Variants in RAD51B observed in about 807,000 individuals in gnomAD.
The protein encoded by RAD51B is DNA repair protein RAD51 homolog 2.
RAD51B carries 38 observed loss-of-function variants against 42.2 expected under a neutral mutation model. The ratio of observed to expected loss-of-function variants is 0.90; its 90% CI spans 0.70 to 1.18. RAD51B has a LOEUF of 1.18. Among genes scored for constraint, RAD51B ranks in the 50% most tolerant of loss-of-function variants. RAD51B has a pLI of 0.00. For synonymous variants in RAD51B, 154 were observed against 145.2 expected, an observed-to-expected ratio of 1.06 and a Z score of -0.43; for missense variants, 373 against 400.7, an observed-to-expected ratio of 0.93 and a Z score of 0.59.
intron 10 of RAD51B, among the ~76,000 whole-genome samples, chr14:68,644,063 T>C (rs1431410824): frequency 1.3e-5 from 2 of 152,216 alleles, no homozygotes; most frequent in African/African-American, 2.4e-5. Context: ...CCTCCCACTC[T>C]GTGCAATAAT....
intron 10 of RAD51B, among the ~76,000 whole-genome samples, chr14:68,531,159 C>CA (rs1045737924): frequency 0.013 from 1,128 of 87,068 alleles, 7 homozygotes; most frequent in African/African-American, 0.035. Context: ...ACAGGAAAGA[C>CA]AAAAAAAAAA....
rs3073458 is a variant in RAD51B at position 68,184,625 on chromosome 14, C to CA, written c.757-107248dup. On this transcript the variant is annotated intron_variant, in intron 7 of 10. Transcript: ENST00000471583. ...GCCCTGTCTAAAAAAAAAAAAAAACCAAAAAAAAAAACAGGAAGAAGAAGA... is the reference window on the plus strand; with the variant it reads ...GCCCTGTCTAAAAAAAAAAAAAAACCAAAAAAAAAAAACAGGAAGAAGAAGA... 5.2e-3 allele frequency among the ~76,000 whole-genome samples: 689 copies of CA among 132,378 alleles called. 12 individuals carry two copies. The highest frequency in any genetic ancestry group is 0.011 in the Middle Eastern group (3 of 266). The allele number at this position is 132,378 out of a possible 152,430, so 86.8% of individuals were successfully genotyped here. A position where few individuals can be genotyped will look rare whatever the true frequency, so the allele number is the denominator to read the frequency against.
chr14:68,593,330 T>G (rs1330807026), intron 10 of RAD51B, among the ~76,000 whole-genome samples: 2 of 152,222 alleles, frequency 1.3e-5, no homozygotes, highest in Non-Finnish European at 2.9e-5. Flanking sequence ...GAGAGGCTCT[T>G]GGAACAGGGC....
chr14:68,627,514 A>C (rs781710859), intron 10 of RAD51B, among the ~76,000 whole-genome samples: 1 of 152,160 alleles, frequency 6.6e-6, no homozygotes, highest in Non-Finnish European at 1.5e-5. Flanking sequence ...CTCACTGGAC[A>C]TGCTCCAGGA....
At chr14:67,943,055 C>G (rs1426472220) in intron 7 of RAD51B, among the ~76,000 whole-genome samples, 2 of 151,406 alleles carry the variant, frequency 1.3e-5, no homozygotes, top group Non-Finnish European at 1.5e-5. Flanking sequence ...GATGGGTGGT[C>G]AAACTAAGTA....
intron 7 of RAD51B, among the ~76,000 whole-genome samples, chr14:68,192,319 T>C (rs867484829): frequency 2.0e-4 from 30 of 152,332 alleles, no homozygotes; most frequent in African/African-American, 6.3e-4. Flanking sequence ...TTTCATGAGG[T>C]CTTCTCTTTG....
At chr14:67,930,158 C>A (rs1011136593) in intron 7 of RAD51B, among the ~76,000 whole-genome samples, 3 of 152,092 alleles carry the variant, frequency 2.0e-5, no homozygotes, top group African/African-American at 7.2e-5. Flanking sequence ...GAGTCTGTAT[C>A]TTTTAAGTGG....
chr14:68,292,572 G>A (rs1391443974), intron 8 of RAD51B, among the ~76,000 whole-genome samples: 1 of 152,190 alleles, frequency 6.6e-6, no homozygotes, highest in African/African-American at 2.4e-5. Context: ...TTTATTGAAA[G>A]TGCTTACTTG....
chr14:68,229,233 A>G (rs1172065456), intron 7 of RAD51B, among the ~76,000 whole-genome samples: 1 of 152,132 alleles, frequency 6.6e-6, no homozygotes, highest in Non-Finnish European at 1.5e-5. Flanking sequence ...AATCTTTTGT[A>G]TTGACCTGTA....
intron 10 of RAD51B, among the ~76,000 whole-genome samples, chr14:68,588,433 CT>C (rs1309055799): frequency 6.6e-6 from 1 of 152,164 alleles, no homozygotes; most frequent in African/African-American, 2.4e-5. Context: ...TTGTAGTCCC[CT>C]GACCATGAAT....
At position 68,588,937 on chromosome 14, in the gene RAD51B, C is replaced by T. The variant is rs60698220; in HGVS notation, c.1037-5548C>T. 9.0e-3 allele frequency among the ~76,000 whole-genome samples: 1,369 copies of T among 152,304 alleles called. 18 individuals are homozygous for T. Among genetic ancestry groups the T allele is most frequent in the African/African-American group, 0.031 (1,268 of 41,560 alleles). On this transcript the variant is annotated intron_variant, in intron 10 of 10. Coordinates refer to the RAD51B transcript ENST00000487270. ...TGATTTTGCAAAGCTGCTTTCCCAA[C>T]GGGGCTTGGCTAAAGCTGCTTTTCA... is the stretch of plus-strand genomic sequence containing the variant.
intron 7 of RAD51B, among the ~76,000 whole-genome samples, chr14:68,147,814 A>AT (rs2078285625): frequency 6.6e-6 from 1 of 151,906 alleles, no homozygotes; most frequent in African/African-American, 2.4e-5. Flanking sequence ...TAAAAAAAAA[A>AT]AAAGAGCTTT....
intron 8 of RAD51B, among the ~76,000 whole-genome samples, chr14:68,292,656 A>G (rs1595669879): frequency 6.6e-6 from 1 of 152,326 alleles, no homozygotes; most frequent in South Asian, 2.1e-4. Flanking sequence ...AGACATGCAT[A>G]GCTCTTCCAG....
intron 7 of RAD51B, among the ~76,000 whole-genome samples, chr14:67,920,325 TGGA>T (rs1397398162): frequency 6.6e-6 from 1 of 152,208 alleles, no homozygotes; most frequent in African/African-American, 2.4e-5. Flanking sequence ...ATTTTGTTGT[TGGA>T]GATTGATTAA....
rs1178404799 is a variant in RAD51B, at chr14:67,864,988, T to G, written c.316-15T>G. 1 of 1,312,106 alleles carries G rather than the reference T, an allele frequency of 7.6e-7. No individual in the cohort carries two copies. Among genetic ancestry groups the G allele is most frequent in the East Asian group, 2.9e-5 (1 of 34,842 alleles). The allele number at this position is 1,312,106 out of a possible 1,614,324, so 81.3% of individuals were successfully genotyped here. Reference sequence around the variant, plus strand: ...TTTTTTTTTTTTTTTTTTTTTTTTTTTTTTTTTTTTTTAGATTACAGGTCC... The same window carrying G: ...TTTTTTTTTTTTTTTTTTTTTTTTTGTTTTTTTTTTTTAGATTACAGGTCC... On this transcript the variant is annotated splice_polypyrimidine_tract_variant and intron_variant, in intron 4 of 10. Coordinates refer to ENST00000471583, the MANE Select transcript of RAD51B (RefSeq NM_133510.4).
chr14:68,235,703 C>CAAAAAAA (rs57180468), intron 7 of RAD51B, among the ~76,000 whole-genome samples: 9 of 14,064 alleles, frequency 6.4e-4, no homozygotes, highest in African/African-American at 1.1e-3. Flanking sequence ...GACTCCGTCT[C>CAAAAAAA]AAAAAAAAAA....
intron 10 of RAD51B, chr14:68,628,318 G>A (rs1043417657): frequency 1.3e-5 from 2 of 152,134 alleles, no homozygotes; most frequent in Non-Finnish European, 2.9e-5. Context: ...CCGGGGCGCG[G>A]GATGGGAAGG....
At chr14:68,058,130 T>C (rs1276384359) in intron 7 of RAD51B, among the ~76,000 whole-genome samples, 1 of 152,114 alleles carries the variant, frequency 6.6e-6, no homozygotes, top group Non-Finnish European at 1.5e-5. Context: ...TACTCAATTT[T>C]ATCTTTATTG....
rs2077956658 is a variant in RAD51B, at chr14:68,133,963, C to T, written c.757-157921C>T. On this transcript the variant is annotated intron_variant, in intron 7 of 10. Coordinates refer to ENST00000471583, the MANE Select transcript of RAD51B (RefSeq NM_133510.4). ...CAAAACCTGGAAACCAATATGGGTA[C>T]AACCCATAAAACTTATTTCACCAGT... is the stretch of plus-strand genomic sequence containing the variant. Among the ~76,000 whole-genome samples the T allele has an allele frequency of 5.3e-5, 8 of 152,086 alleles. No individual in the cohort carries two copies. In the South Asian group the frequency reaches 1.7e-3, roughly 32 times the overall value.
Sources: gnomAD v4.1 joint callset for allele counts (sites outside exome capture counted in the v4.1 genomes callset) on GRCh38, gnomAD v4.1.1 for gene constraint, MANE v1.5 for transcripts, NCBI Gene and HGNC (gene_info 2026-07-23, HGNC 2026-07-21) for gene names.